ASRGL1: variants seen among roughly 807,000 people sequenced by gnomAD.
ASRGL1 encodes the protein asparaginase and isoaspartyl peptidase 1.
A neutral mutation model predicts 22.4 loss-of-function variants in ASRGL1; 16 were observed. The ratio of observed to expected loss-of-function variants is 0.71; its 90% confidence interval spans 0.48 to 1.08. The LOEUF is 1.08. ASRGL1 is among the 50% of genes least tolerant of loss of function. The probability of loss-of-function intolerance (pLI) is 0.00; values close to 1 mark genes in which losing one functional copy is unlikely to be tolerated. For missense variants in ASRGL1, 412 were observed against 410.1 expected (o/e 1.00, Z -0.04); for synonymous variants, 165 against 159.3 (o/e 1.04, Z -0.27).
chr11:62,380,258 G>T (rs34956831), intron 4 of ASRGL1, among the ~76,000 whole-genome samples: 1 of 151,850 alleles, frequency 6.6e-6, no homozygotes, highest in African/African-American at 2.4e-5. Flanking sequence ...CAGGATTGGC[G>T]TTTCCATATG....
In ASRGL1 at chr11:62,337,464, T is replaced by A. The variant is rs1174394973; in HGVS notation, c.-199T>A. On this transcript the variant is annotated 5_prime_UTR_variant, in exon 1 of 7. It adds an upstream start codon to the 5' untranslated region. Coordinates refer to ENST00000415229, the MANE Select transcript of ASRGL1 (RefSeq NM_001083926.2). Reference sequence around the variant, plus strand: ...CGCAGAACCGTTGTGACCAGAGCGGTTGCGGGCTGAGCGGTTTCGAGCCGG... The same window carrying A: ...CGCAGAACCGTTGTGACCAGAGCGGATGCGGGCTGAGCGGTTTCGAGCCGG... 6.3e-6 allele frequency: 1 copy of A among 159,964 alleles called. No individual in the cohort carries two copies. The highest frequency in any genetic ancestry group is 1.4e-5 in the Non-Finnish European group (1 of 73,222). 9.9% of individuals were successfully genotyped at this position (159,964 alleles called of 1,614,324 possible).
intron 2 of ASRGL1, among the ~76,000 whole-genome samples, chr11:62,355,938 G>A (rs567518767): frequency 3.5e-4 from 54 of 152,274 alleles, no homozygotes; most frequent in Admixed American, 1.6e-3. Flanking sequence ...AGGGTTGGGG[G>A]TAAGGTCACA....
At chr11:62,373,671 G>A (rs747846598) in intron 4 of ASRGL1, among the ~76,000 whole-genome samples, 5 of 152,246 alleles carry the variant, frequency 3.3e-5, no homozygotes, top group Admixed American at 2.0e-4. Context: ...GGAAGCATCC[G>A]GGTCACTCCT....
chr11:62,392,540 G>C lies in ASRGL1; in HGVS notation c.*256G>C. The C allele has an allele frequency of 2.0e-6, 1 of 509,134 alleles. No homozygotes were observed. Among genetic ancestry groups the C allele is most frequent in the Non-Finnish European group, 3.5e-6 (1 of 283,414 alleles). The allele number at this position is 509,134 out of a possible 1,614,324, so 31.5% of individuals were successfully genotyped here. A position where few individuals can be genotyped will look rare whatever the true frequency, so the allele number is the denominator to read the frequency against. ...GCCATGATTACTCCACTGCACTCCA[G>C]CCTGGGCAACAGAGCCAGGCCCTGT... On this transcript the variant is annotated 3_prime_UTR_variant, in exon 7 of 7. Coordinates refer to ENST00000415229, the MANE Select transcript of ASRGL1 (RefSeq NM_001083926.2).
chr11:62,338,071 A>C lies in ASRGL1; in HGVS notation c.94A>C (p.Thr32Pro). 6.2e-7 allele frequency: 1 copy of C among 1,607,838 alleles called. No homozygotes were observed. Residue 32 changes from threonine (T) to proline (P), a missense_variant, in exon 2 of 7, where the codon ACC (threonine) becomes CCC (proline). Transcript: ENST00000415229. ...GCACCAGGGCATGGTCAGAGCCGCC[A>C]CCGTGGGCTACGGCATCCTCCGGGA... is the stretch of plus-strand genomic sequence containing the variant. ...RVHQGMVRAATVGYGILREGG... is the reference protein window; with the variant it reads ...RVHQGMVRAAPVGYGILREGG...
Position 62,356,809 on chromosome 11 carries a change from T to C in ASRGL1, c.334-178T>C, listed in dbSNP as rs115767892. On this transcript the variant is annotated intron_variant, in intron 3 of 6. Transcript: ENST00000415229. Reference sequence around the variant, plus strand: ...TGTCCCATCAATTGGGGTCTTTTCTTTTTTAATACAAAAACTCAGTCAGGC... The same window carrying C: ...TGTCCCATCAATTGGGGTCTTTTCTCTTTTAATACAAAAACTCAGTCAGGC... 4.6e-3 allele frequency among the ~76,000 whole-genome samples: 696 copies of C among 152,324 alleles called. 10 individuals are homozygous for C. The highest frequency in any genetic ancestry group is 0.016 in the African/African-American group (667 of 41,572).
At chr11:62,390,406 G>A (rs1565176455) in intron 5 of ASRGL1, among the ~76,000 whole-genome samples, 1 of 152,230 alleles carries the variant, frequency 6.6e-6, no homozygotes, top group Non-Finnish European at 1.5e-5. Context: ...ACTAGGCTCA[G>A]CAGTGGTCAC....
At chr11:62,343,230 T>G (rs959404581) in intron 2 of ASRGL1, among the ~76,000 whole-genome samples, 2 of 151,086 alleles carry the variant, frequency 1.3e-5, no homozygotes, top group Non-Finnish European at 2.9e-5. Flanking sequence ...ATACAAAAAT[T>G]AGCCAAGTGC....
intron 4 of ASRGL1, among the ~76,000 whole-genome samples, chr11:62,359,780 T>A (rs1239029533): frequency 6.6e-6 from 1 of 152,100 alleles, no homozygotes; most frequent in East Asian, 1.9e-4. Context: ...ATGTTGACTG[T>A]TAGAATTATG....
At chr11:62,376,329 G>A (rs1946930134) in intron 4 of ASRGL1, among the ~76,000 whole-genome samples, 2 of 151,984 alleles carry the variant, frequency 1.3e-5, no homozygotes, top group African/African-American at 4.8e-5. Context: ...CAGTGTTTCT[G>A]TCTCCGCGGA....
intron 5 of ASRGL1, among the ~76,000 whole-genome samples, chr11:62,390,206 T>G (rs745810590): frequency 5.9e-5 from 9 of 152,228 alleles, no homozygotes; most frequent in Non-Finnish European, 1.3e-4. Flanking sequence ...CACTCCAGGT[T>G]AGATCCTAGA....
At chr11:62,378,433 C>G (rs141405181) in intron 4 of ASRGL1, among the ~76,000 whole-genome samples, 1 of 151,620 alleles carries the variant, frequency 6.6e-6, no homozygotes, top group East Asian at 1.9e-4. Flanking sequence ...ATTAAGCATT[C>G]CCTGAGGTAA....
chr11:62,384,514 A>T (rs1947156552), intron 4 of ASRGL1, among the ~76,000 whole-genome samples: 1 of 152,162 alleles, frequency 6.6e-6, no homozygotes, highest in Admixed American at 6.5e-5. Flanking sequence ...AAAAAAATTT[A>T]AAAAGTAGAT....
intron 2 of ASRGL1, among the ~76,000 whole-genome samples, chr11:62,352,181 A>T (rs144708638): frequency 5.9e-5 from 9 of 152,338 alleles, no homozygotes; most frequent in Non-Finnish European, 8.8e-5. Context: ...AACCAATAGG[A>T]TTAGTGTCCT....
intron 4 of ASRGL1, chr11:62,372,187 C>T: frequency 9.7e-7 from 1 of 1,031,752 alleles, no homozygotes. Context: ...GAGTAGAAGC[C>T]CCCAGACTCA....
chr11:62,392,242 C>T lies in ASRGL1; in HGVS notation c.885C>T (p.Phe295=), dbSNP rs533152023. ...CCGCCAAGGACGGCAAGCTGCACTT[C>T]GGAATTGATCCTGACGATACTACTA... The part of the protein sequence containing the change: ...WAAAKDGKLH[F]GIDPDDTTIT... The change falls in exon 7 of 7, where the codon TTC becomes TTT. Residue 295 remains phenylalanine, a synonymous_variant. Coordinates refer to ENST00000415229, the MANE Select transcript of ASRGL1 (RefSeq NM_001083926.2). 45 of 1,613,994 alleles carry T rather than the reference C, an allele frequency of 2.8e-5. No homozygotes were observed. Among genetic ancestry groups the T allele is most frequent in the South Asian group, 6.6e-5 (6 of 91,086 alleles).
intron 2 of ASRGL1, among the ~76,000 whole-genome samples, chr11:62,349,490 G>T (rs1946117037): frequency 6.6e-6 from 1 of 152,138 alleles, no homozygotes; most frequent in African/African-American, 2.4e-5. Context: ...GTTTCCAGGG[G>T]TCCCACATCC....
intron 2 of ASRGL1, among the ~76,000 whole-genome samples, chr11:62,339,199 C>T (rs896527999): frequency 2.6e-5 from 4 of 152,178 alleles, no homozygotes; most frequent in Admixed American, 6.6e-5. Context: ...GGCGAAGAAA[C>T]GTAATTTGGG....
intron 4 of ASRGL1, chr11:62,372,621 G>A (rs1482035341): frequency 5.6e-6 from 5 of 888,206 alleles, no homozygotes; most frequent in Non-Finnish European, 7.7e-6. Context: ...GGCCTGTGGC[G>A]CTAACCACAT....
Sources: allele counts gnomAD v4.1 joint callset (sites outside exome capture counted in the v4.1 genomes callset), GRCh38; gene constraint gnomAD v4.1.1; transcripts MANE v1.5; gene names NCBI Gene and HGNC (gene_info 2026-07-23, HGNC 2026-07-21).